CAMKK1: variants seen among roughly 807,000 people sequenced by gnomAD.
The protein encoded by CAMKK1 is calcium/calmodulin dependent protein kinase kinase 1.
CAMKK1 carries 20 observed loss-of-function variants against 63.5 expected under a neutral mutation model. That is an observed-to-expected ratio of 0.32 (90% CI 0.22 to 0.46). The LOEUF (loss-of-function observed/expected upper bound fraction) is 0.46, where lower values mean the gene tolerates loss of function less well. Ranked by LOEUF, CAMKK1 falls within the 20% of genes least tolerant of loss-of-function variation. The probability of loss-of-function intolerance (pLI) is 1.00; values close to 1 mark genes in which losing one functional copy is unlikely to be tolerated. For missense variants in CAMKK1, 588 were observed against 658.1 expected, an observed-to-expected ratio of 0.89 and a Z score of 1.17; for synonymous variants, 253 against 269.0, an observed-to-expected ratio of 0.94 and a Z score of 0.58.
At position 3,864,604 on chromosome 17, in the gene CAMKK1, C is replaced by T. The variant is rs574229952; in HGVS notation, c.1445+1304G>A. 1.1e-4 allele frequency among the ~76,000 whole-genome samples: 17 copies of T among 152,104 alleles called. 1 individual carries two copies. The highest frequency in any genetic ancestry group is 9.8e-4 in the Admixed American group (15 of 15,264). ...ACTCTCAAAAATGTCCCCATTTGGA[C>T]GTCAAATTATATATGCCCCCTCTCC... On this transcript the variant is annotated intron_variant, in intron 15 of 15. Coordinates refer to ENST00000348335, the MANE Select transcript of CAMKK1 (RefSeq NM_032294.3).
intron 12 of CAMKK1, 55 bp downstream of exon 12, chr17:3,872,499 C>T (rs1216836485): frequency 2.0e-6 from 3 of 1,489,916 alleles, no homozygotes; most frequent in Admixed American, 3.4e-5. Flanking sequence ...TCTGCTAAAA[C>T]TCAGACACCA....
At position 3,884,016 on chromosome 17, in the gene CAMKK1, A is replaced by G; in HGVS notation, c.409-79T>C. The G allele has an allele frequency of 1.4e-6, 2 of 1,396,654 alleles. No homozygotes were observed. The highest frequency in any genetic ancestry group is 2.0e-6 in the Non-Finnish European group (2 of 992,858). 86.5% of individuals were successfully genotyped at this position (1,396,654 alleles called of 1,614,324 possible). On this transcript the variant is annotated intron_variant, in intron 3 of 15. Transcript: ENST00000348335. This position sits in a 1 kb window ranked among gnomAD's most constrained non-coding sequence, Gnocchi z 4.5. Reference sequence around the variant, plus strand: ...CAGCTCAGGAGGTGGGGAGCCGAGCAGCTCTGGTCTCTCCTGCACCCCATC... The same window carrying G: ...CAGCTCAGGAGGTGGGGAGCCGAGCGGCTCTGGTCTCTCCTGCACCCCATC...
At chr17:3,866,084 C>A in intron 14 of CAMKK1, 73 bp from the exon 15 acceptor site, 1 of 1,561,436 alleles carries the variant, frequency 6.4e-7, no homozygotes. Flanking sequence ...TCCGATTCCC[C>A]GAGAGCAGCT....
intron 2 of CAMKK1, 62 bp downstream of exon 2, chr17:3,885,266 A>G (rs2055593159): frequency 6.7e-7 from 1 of 1,485,824 alleles, no homozygotes; most frequent in South Asian, 1.4e-5. Context: ...AGGGGCAGGA[A>G]AGAGTCTTCA....
chr17:3,869,465 G>A, intron 14 of CAMKK1, 22 bp downstream of exon 14: 10 of 1,613,962 alleles, frequency 6.2e-6, no homozygotes, highest in South Asian at 1.1e-5. Flanking sequence ...GGACAAGGGA[G>A]CATCTACCCC....
rs772937558 is a variant in CAMKK1, at chr17:3,876,366, C to T, written c.853G>A (p.Asp285Asn). Residue 285 changes from aspartate to asparagine, a missense_variant, in exon 10 of 16, where the codon GAT (aspartate) becomes AAT (asparagine). Asp to Asn is a conservative substitution (Grantham distance 23, BLOSUM62 1). Transcript: ENST00000348335. ...TCGGCGATCTTCACGTGCCCATCAT[C>T]CCCCAGGAGCAGGTTGGATGGCTTG... ...DIKPSNLLLGDDGHVKIADFG... is the reference protein window; with the variant it reads ...DIKPSNLLLGNDGHVKIADFG... The T allele has an allele frequency of 2.0e-5, 32 of 1,614,074 alleles. 2 individuals carry two copies. The South Asian group carries it at 3.4e-4, about 17-fold the overall frequency.
intron 12 of CAMKK1, among the ~76,000 whole-genome samples, chr17:3,871,311 C>CT (rs1169721208): frequency 1.0e-5 from 1 of 95,498 alleles, no homozygotes; most frequent in East Asian, 2.8e-4. Flanking sequence ...GTTTCATTTT[C>CT]TTTTTTTGTT....
At chr17:3,871,356 T>G (rs1312695825) in intron 12 of CAMKK1, among the ~76,000 whole-genome samples, 7,340 of 99,822 alleles carry the variant, frequency 0.074, 328 homozygotes, top group East Asian at 0.33. Flanking sequence ...TGTTTTTTTT[T>G]TTTTTTTTTT....
In CAMKK1 at chr17:3,890,580, G is replaced by A. The variant is rs553339519; in HGVS notation, c.-44+2359C>T. 1.7e-5 allele frequency: 13 copies of A among 766,724 alleles called. No individual in the cohort carries two copies. Among genetic ancestry groups the A allele is most frequent in the East Asian group, 4.9e-5 (2 of 41,018 alleles). The allele number at this position is 766,724 out of a possible 1,614,324, so 47.5% of individuals were successfully genotyped here. On this transcript the variant is annotated intron_variant, in intron 1 of 15. Transcript: ENST00000348335. This position sits in a 1 kb window ranked among gnomAD's most constrained non-coding sequence, Gnocchi z 6.5. ...TCCTCCTCTGTCTCCATTGCGAGAC[G>A]GGTACCACACCCTCCCCATTCTTTC... is the stretch of plus-strand genomic sequence containing the variant.
intron 12 of CAMKK1, among the ~76,000 whole-genome samples, chr17:3,871,377 C>CA (rs2054860125): frequency 9.7e-6 from 1 of 103,460 alleles, no homozygotes; most frequent in Non-Finnish European, 1.9e-5. Context: ...TTTTTTGAGA[C>CA]AGAGTCTCGC....
In CAMKK1 at chr17:3,882,724, C is replaced by T. The variant is rs1353204918; in HGVS notation, c.649-160G>A. ...ACAGGTGGTGCCAGACTGATGGGGC[C>T]TCAGAAGTCACCGACCCCCAACCTG... On this transcript the variant is annotated intron_variant, in intron 6 of 15. Transcript: ENST00000348335. The surrounding 1 kb of genome is among the most constrained non-coding windows in gnomAD (Gnocchi z 4.3). Among the ~76,000 whole-genome samples, 3 of 152,120 alleles carry T rather than the reference C, an allele frequency of 2.0e-5. No homozygotes were observed. The highest frequency in any genetic ancestry group is 7.2e-5 in the African/African-American group (3 of 41,418).
At position 3,890,675 on chromosome 17, in the gene CAMKK1, C is replaced by T. The variant is rs373908175; in HGVS notation, c.-44+2264G>A. ...TTTCCCTGTTGCCCACCCTTGCTCC[C>T]CACAACCCCACACTTACTCTCCACT... On this transcript the variant is annotated intron_variant, in intron 1 of 15. Coordinates refer to ENST00000348335, the MANE Select transcript of CAMKK1 (RefSeq NM_032294.3). This position sits in a 1 kb window ranked among gnomAD's most constrained non-coding sequence, Gnocchi z 6.5. 199 of 779,742 alleles carry T rather than the reference C, an allele frequency of 2.6e-4. No individual in the cohort carries two copies. Among genetic ancestry groups the T allele is most frequent in the Non-Finnish European group, 3.6e-4 (152 of 417,986 alleles). The allele number at this position is 779,742 out of a possible 1,614,324, so 48.3% of individuals were successfully genotyped here. A position where few individuals can be genotyped will look rare whatever the true frequency, so the allele number is the denominator to read the frequency against.
chr17:3,876,094 A>G (rs553210634), intron 10 of CAMKK1, 129 bp downstream of exon 10: 26 of 866,526 alleles, frequency 3.0e-5, no homozygotes, highest in Non-Finnish European at 4.2e-5. Context: ...TCAGGCTCCA[A>G]GGAAGAGGCA....
intron 9 of CAMKK1, among the ~76,000 whole-genome samples, chr17:3,876,734 AGTTGTTGCT>A (rs1269500634): frequency 7.1e-6 from 1 of 140,756 alleles, no homozygotes; most frequent in Non-Finnish European, 1.5e-5. Context: ...AGGGCAGGAG[AGTTGTTGCT>A]GTTTTTTTTT....
In CAMKK1 at chr17:3,883,305, C is replaced by T; in HGVS notation, c.514+124G>A. 2 of 1,479,018 alleles carry T rather than the reference C, an allele frequency of 1.4e-6. No homozygotes were observed. The highest frequency in any genetic ancestry group is 1.9e-6 in the Non-Finnish European group (2 of 1,063,760). The allele number at this position is 1,479,018 out of a possible 1,614,324, so 91.6% of individuals were successfully genotyped here. A position where few individuals can be genotyped will look rare whatever the true frequency, so the allele number is the denominator to read the frequency against. ...CCAACCCACAGGGCACATTCTGTCCCCAGGCCTCTGCTCACGCTGTCTCCC... is the reference window on the plus strand; with the variant it reads ...CCAACCCACAGGGCACATTCTGTCCTCAGGCCTCTGCTCACGCTGTCTCCC... On this transcript the variant is annotated intron_variant, in intron 5 of 15. Coordinates refer to ENST00000348335, the MANE Select transcript of CAMKK1 (RefSeq NM_032294.3). This position sits in a 1 kb window ranked among gnomAD's most constrained non-coding sequence, Gnocchi z 4.7.
In CAMKK1 at chr17:3,883,493, G is replaced by T; in HGVS notation, c.463-13C>A. 4 of 1,610,246 alleles carry T rather than the reference G, an allele frequency of 2.5e-6. No individual in the cohort carries two copies. The highest frequency in any genetic ancestry group is 3.4e-6 in the Non-Finnish European group (4 of 1,176,524). On this transcript the variant is annotated splice_polypyrimidine_tract_variant and intron_variant, in intron 4 of 15. Transcript: ENST00000348335. This position sits in a 1 kb window ranked among gnomAD's most constrained non-coding sequence, Gnocchi z 4.7. ...GGACTTTCATTGCCTAAGGAAGGAG[G>T]GACAGAAATGTCACTACTGTGCAGC...
chr17:3,885,774 C>G (rs1424874976), intron 1 of CAMKK1, 44 bp from the exon 2 acceptor site: 1 of 1,563,340 alleles, frequency 6.4e-7, no homozygotes, highest in South Asian at 1.2e-5. Flanking sequence ...GGGTGTCAGG[C>G]TGGCTACCAG....
chr17:3,885,626 GCCAC>G lies in CAMKK1; in HGVS notation c.58_61del (p.Val20GlnfsTer5). Reference sequence around the variant, plus strand: ...CTCCAAGTGAGTCACATCGATGGCTGCCACCCGTTCTACCAGCTCTGCCCGAGGA... The same window carrying G: ...CTCCAAGTGAGTCACATCGATGGCTGCCGTTCTACCAGCTCTGCCCGAGGA... On this transcript the variant is annotated frameshift_variant, in exon 2 of 16. Coordinates refer to ENST00000348335, the MANE Select transcript of CAMKK1 (RefSeq NM_032294.3). LOFTEE classifies it high-confidence loss of function. The G allele has an allele frequency of 6.2e-7, 1 of 1,613,950 alleles. No individual in the cohort carries two copies. Among genetic ancestry groups the G allele is most frequent in the East Asian group, 2.2e-5 (1 of 44,892 alleles).
rs2055352063 is a variant in CAMKK1, at chr17:3,880,326, G to A, written c.796+20C>T. 1.2e-6 allele frequency: 2 copies of A among 1,609,296 alleles called. No homozygotes were observed. The highest frequency in any genetic ancestry group is 3.3e-5 in the Admixed American group (2 of 59,962). ...GATCCCCTAGCCCCAGCCCCAGTGG[G>A]CAAGCTGCCCCGCACTCACAGTACT... On this transcript the variant is annotated intron_variant, in intron 9 of 15. Coordinates refer to ENST00000348335, the MANE Select transcript of CAMKK1 (RefSeq NM_032294.3).
Sources: gnomAD v4.1 joint callset for allele counts (sites outside exome capture counted in the v4.1 genomes callset) on GRCh38, gnomAD v4.1.1 for gene constraint, Gnocchi (gnomAD v3.1) non-coding constraint, MANE v1.5 for transcripts, NCBI Gene and HGNC (gene_info 2026-07-23, HGNC 2026-07-21) for gene names.